The following NPHP4 variants were observed in gnomAD, a reference collection of about 807,000 sequenced individuals.
The protein encoded by NPHP4 is nephrocystin-4.
A neutral mutation model predicts 155.8 loss-of-function variants in NPHP4; 151 were observed. The observed-to-expected ratio is 0.97, with a 90% confidence interval of 0.85 to 1.11. The LOEUF is 1.11. NPHP4 is among the 50% of genes least tolerant of loss of function. The pLI is 0.00. For missense variants in NPHP4, 1,956 were observed against 1,925.7 expected (o/e 1.02, Z -0.29); for synonymous variants, 845 against 816.8 (o/e 1.03, Z -0.59).
chr1:5,986,405 C>T, intron 1 of NPHP4, 78 bp from the exon 2 acceptor site: 1 of 1,152,192 alleles, frequency 8.7e-7, no homozygotes, highest in Non-Finnish European at 1.2e-6. Flanking sequence ...GCTTCTGCCT[C>T]CCACTAAATC....
rs1304952884 is a variant in NPHP4 at position 5,890,118 on chromosome 1, G to A, written c.2304+750C>T. Among the ~76,000 whole-genome samples, 2 of 152,088 alleles carry A rather than the reference G, an allele frequency of 1.3e-5. No homozygotes were observed. The highest frequency in any genetic ancestry group is 2.9e-5 in the Non-Finnish European group (2 of 68,008). On this transcript the variant is annotated intron_variant, in intron 17 of 29. Transcript: ENST00000378156. This position sits in a 1 kb window ranked among gnomAD's most constrained non-coding sequence, Gnocchi z 4.9. ...GACAGGAAGCCCCGGGGGTTCAGCC[G>A]TGTCAGGAATCCAGGAGGAAAGCAG...
intron 13 of NPHP4, among the ~76,000 whole-genome samples, chr1:5,906,015 G>A (rs897701759): frequency 4.6e-5 from 7 of 152,218 alleles, no homozygotes; most frequent in Non-Finnish European, 1.0e-4. Flanking sequence ...ATTATTTGTT[G>A]TGTACCTGAG....
intron 6 of NPHP4, among the ~76,000 whole-genome samples, chr1:5,957,390 C>G (rs1390644696): frequency 1.3e-5 from 2 of 152,200 alleles, no homozygotes; most frequent in African/African-American, 4.8e-5. Flanking sequence ...CAGCCCACAG[C>G]CTCTTGGGGA....
intron 11 of NPHP4, among the ~76,000 whole-genome samples, chr1:5,926,853 A>G (rs1261202281): frequency 6.6e-6 from 1 of 152,148 alleles, no homozygotes; most frequent in Non-Finnish European, 1.5e-5. Flanking sequence ...CTCATTCCCT[A>G]TCTTGCCATC....
At chr1:5,991,920 GC>G (rs1326114777) in intron 1 of NPHP4, among the ~76,000 whole-genome samples, 2 of 123,582 alleles carry the variant, frequency 1.6e-5, no homozygotes, top group Middle Eastern at 3.9e-3. Context: ...CTGCAGAGAG[GC>G]CAGGGGGCAG....
At chr1:5,974,114 C>T (rs1653080350) in intron 3 of NPHP4, among the ~76,000 whole-genome samples, 2 of 152,248 alleles carry the variant, frequency 1.3e-5, no homozygotes, top group Non-Finnish European at 1.5e-5. Flanking sequence ...TGACAGCATC[C>T]ACTTTTCAAT....
intron 11 of NPHP4, among the ~76,000 whole-genome samples, chr1:5,915,429 G>A (rs896873635): frequency 4.6e-5 from 7 of 152,202 alleles, no homozygotes; most frequent in African/African-American, 1.7e-4. Flanking sequence ...GAATTCACAT[G>A]GCAAACCCAC....
chr1:5,874,848 C>G, intron 21 of NPHP4, 26 bp downstream of exon 21: 2 of 1,601,542 alleles, frequency 1.2e-6, no homozygotes, highest in Non-Finnish European at 8.6e-7. Flanking sequence ...TGGGCTGGGG[C>G]AGGACGGGCA....
At chr1:5,917,346 T>A (rs900267851) in intron 11 of NPHP4, among the ~76,000 whole-genome samples, 3 of 151,864 alleles carry the variant, frequency 2.0e-5, no homozygotes, top group Non-Finnish European at 2.9e-5. Flanking sequence ...GCTCCTGGGC[T>A]CACCATGTGG....
intron 18 of NPHP4, chr1:5,886,562 C>T (rs1643822595): frequency 1.3e-5 from 2 of 152,252 alleles, no homozygotes; most frequent in South Asian, 2.1e-4. Context: ...CCAAACGTTC[C>T]AGAGGACCCT....
intron 18 of NPHP4, among the ~76,000 whole-genome samples, chr1:5,884,346 C>T (rs190116185): frequency 1.1e-3 from 170 of 152,294 alleles, no homozygotes; most frequent in Admixed American, 2.0e-3. Flanking sequence ...AGAACACAGA[C>T]GCTTAGCCTG....
intron 18 of NPHP4, among the ~76,000 whole-genome samples, chr1:5,885,276 T>A (rs1422215955): frequency 3.4e-5 from 5 of 146,182 alleles, no homozygotes; most frequent in African/African-American, 1.3e-4. Context: ...GCAACCAAGA[T>A]AAGTGCCCAA....
intron 18 of NPHP4, among the ~76,000 whole-genome samples, chr1:5,885,337 C>T (rs1184589829): frequency 6.6e-6 from 1 of 151,700 alleles, no homozygotes; most frequent in Non-Finnish European, 1.5e-5. Flanking sequence ...ACTGCCCAAG[C>T]TCCCAGCCGA....
intron 5 of NPHP4, among the ~76,000 whole-genome samples, chr1:5,965,645 G>A (rs181685812): frequency 2.0e-3 from 312 of 152,242 alleles, no homozygotes; most frequent in Non-Finnish European, 3.9e-3. Flanking sequence ...CTGAGTTCCA[G>A]GAGTGACAGG....
intron 16 of NPHP4, among the ~76,000 whole-genome samples, chr1:5,891,534 C>T (rs1018098775): frequency 3.9e-5 from 6 of 152,224 alleles, no homozygotes; most frequent in Admixed American, 2.0e-4. Context: ...TCCTCCCGTG[C>T]GGTCTGCCCT....
chr1:5,984,822 A>C (rs774385020), intron 2 of NPHP4, among the ~76,000 whole-genome samples: 2 of 152,210 alleles, frequency 1.3e-5, no homozygotes, highest in Non-Finnish European at 2.9e-5. Flanking sequence ...CCTAGGAAAG[A>C]GGGAAGGGCT....
Position 5,902,809 on chromosome 1 carries a change from G to A in NPHP4, c.2143+1808C>T, listed in dbSNP as rs553822185. On this transcript the variant is annotated intron_variant, in intron 16 of 29. Coordinates refer to ENST00000378156, the MANE Select transcript of NPHP4 (RefSeq NM_015102.5). Reference sequence around the variant, plus strand: ...TTGTCATTCAGTTTTAAATAATTACGCATTTCTATTTTGAGGTCTTCATTG... The same window carrying A: ...TTGTCATTCAGTTTTAAATAATTACACATTTCTATTTTGAGGTCTTCATTG... Among the ~76,000 whole-genome samples the A allele has an allele frequency of 6.6e-5, 10 of 152,062 alleles. No individual in the cohort carries two copies. In the South Asian group the frequency reaches 1.0e-3, roughly 16 times the overall value.
At position 5,907,236 on chromosome 1, in the gene NPHP4, G is replaced by C. The variant is rs1453262255; in HGVS notation, c.1504-14C>G. 1.3e-6 allele frequency: 2 copies of C among 1,521,716 alleles called. No homozygotes were observed. Among genetic ancestry groups the C allele is most frequent in the South Asian group, 1.2e-5 (1 of 82,498 alleles). 94.3% of individuals were successfully genotyped at this position (1,521,716 alleles called of 1,614,324 possible). On this transcript the variant is annotated splice_polypyrimidine_tract_variant and intron_variant, in intron 12 of 29. Transcript: ENST00000378156. ...GGAAATTGACAACTGGAAGGAAAGA[G>C]AGCACAGGTGAGGGGCTCAGAAGCT... is the stretch of plus-strand genomic sequence containing the variant.
At position 5,865,263 on chromosome 1, in the gene NPHP4, G is replaced by C; in HGVS notation, c.3655C>G (p.Leu1219Val). The C allele has an allele frequency of 6.4e-7, 1 of 1,564,806 alleles. No homozygotes were observed. The highest frequency in any genetic ancestry group is 1.2e-5 in the South Asian group (1 of 86,838). ...FFVIIYSDRW[L>V]ATPTQTWQVY... ...TGCCACGTCTGTGTGGGTGTCGCCA[G>C]CCAGCGATCCCTGCAGTGGGATGGG... is the stretch of plus-strand genomic sequence containing the variant. The change falls in exon 27 of 30, where the codon CTG (leucine) becomes GTG (valine). Residue 1219 changes from leucine to valine, a missense_variant. Coordinates refer to ENST00000378156, the MANE Select transcript of NPHP4 (RefSeq NM_015102.5).
Sources: gnomAD v4.1 joint callset for allele counts (sites outside exome capture counted in the v4.1 genomes callset) on GRCh38, gnomAD v4.1.1 for gene constraint, Gnocchi (gnomAD v3.1) non-coding constraint, MANE v1.5 for transcripts, NCBI Gene and HGNC (gene_info 2026-07-23, HGNC 2026-07-21) for gene names.